The following VAMP7 variants were observed in gnomAD, a reference collection of about 807,000 sequenced individuals.
The protein encoded by VAMP7 is vesicle associated membrane protein 7.
In VAMP7, 14 loss-of-function variants were observed where a neutral mutation model predicts 29.6. The observed-to-expected ratio is 0.47, with a 90% CI of 0.31 to 0.74. VAMP7 has a LOEUF of 0.74. Among genes scored for constraint, VAMP7 ranks in the 30% least tolerant of loss-of-function variants. The pLI is 0.05. For synonymous variants in VAMP7, 95 were observed against 88.1 expected (o/e 1.08, Z -0.44); for missense variants, 223 against 262.4 (o/e 0.85, Z 1.04).
chrX:155,887,197 T>G (rs2065875412), intron 1 of VAMP7, among the ~76,000 whole-genome samples: 1 of 152,190 alleles, frequency 6.6e-6, no homozygotes, highest in Admixed American at 6.5e-5. Context: ...TTCCCTCAAC[T>G]GTTGGTTGTG....
intron 2 of VAMP7, among the ~76,000 whole-genome samples, chrX:155,890,640 C>T (rs182997876): frequency 1.8e-4 from 27 of 152,242 alleles, no homozygotes; most frequent in Admixed American, 1.4e-3. Flanking sequence ...GGATTACAGG[C>T]GTGAGCCACT....
At chrX:155,895,778 C>G (rs2065979627) in intron 3 of VAMP7, 98 bp downstream of exon 3, 1 of 961,118 alleles carries the variant, frequency 1.0e-6, no homozygotes. Context: ...CCCCAGGCTG[C>G]AGACCGGTAC....
intron 6 of VAMP7, among the ~76,000 whole-genome samples, chrX:155,935,391 T>G (rs1423822821): frequency 6.6e-6 from 1 of 152,056 alleles, no homozygotes; most frequent in Non-Finnish European, 1.5e-5. Flanking sequence ...TGGAGGCTTT[T>G]TTCGTTTCTT....
Position 155,898,117 on chromosome X carries a change from T to G in VAMP7, c.210T>G (p.Phe70Leu), listed in dbSNP as rs2124266502. Residue 70 changes from phenylalanine to leucine, a missense_variant, in exon 4 of 8, where the codon TTT (phenylalanine) becomes TTG (leucine). Physicochemically the swap from Phe to Leu is conservative, Grantham distance 22. Coordinates refer to ENST00000286448, the MANE Select transcript of VAMP7 (RefSeq NM_005638.6). Reference protein sequence around the residue: ...IVYLCITDDDFERSRAFNFLN... With the variant: ...IVYLCITDDDLERSRAFNFLN... ...CTGTGTTGATCTCTTTTCAGGATTT[T>G]GAACGTTCCCGAGCCTTTAATTTTC... The G allele has an allele frequency of 6.2e-7, 1 of 1,611,824 alleles. No individual in the cohort carries two copies. The highest frequency in any genetic ancestry group is 8.5e-7 in the Non-Finnish European group (1 of 1,178,958).
Position 155,939,784 on chromosome X carries a change from C to T in VAMP7, c.585C>T (p.Ile195=), listed in dbSNP as rs138653672. The T allele has an allele frequency of 1.9e-5, 30 of 1,612,882 alleles. No individual in the cohort carries two copies. In the East Asian group the frequency reaches 2.0e-4, roughly 11 times the overall value. The change falls in exon 7 of 8, where the codon ATC becomes ATT. Residue 195 remains isoleucine (I), a synonymous_variant. Coordinates refer to ENST00000286448, the MANE Select transcript of VAMP7 (RefSeq NM_005638.6). ...KNLKLTIIII[I]VSIVFIYIIV... is the part of the protein sequence containing the mutation. ...TCAAGCTCACTATTATCATCATCATCGTATCAATTGTAAGTTTTTGTCCTT... is the reference window on the plus strand; with the variant it reads ...TCAAGCTCACTATTATCATCATCATTGTATCAATTGTAAGTTTTTGTCCTT...
At chrX:155,916,063 G>C (rs1415592812) in intron 5 of VAMP7, among the ~76,000 whole-genome samples, 1 of 152,120 alleles carries the variant, frequency 6.6e-6, no homozygotes, top group African/African-American at 2.4e-5. Context: ...TATATATTTA[G>C]GATAGTTAGC....
chrX:155,927,545 G>A (rs28637207), intron 6 of VAMP7, among the ~76,000 whole-genome samples: 147,692 of 147,692 alleles, frequency 1, 73,846 homozygotes, highest in Non-Finnish European at 1. Context: ...CAATAAAAGG[G>A]GATATGCCTG....
chrX:155,901,571 G>A (rs2066062859), intron 5 of VAMP7, among the ~76,000 whole-genome samples: 1 of 152,102 alleles, frequency 6.6e-6, no homozygotes, highest in African/African-American at 2.4e-5. Context: ...AAGGGATCCA[G>A]TTTCAGCTTT....
intron 5 of VAMP7, among the ~76,000 whole-genome samples, chrX:155,915,251 C>G (rs1351747034): frequency 6.6e-6 from 1 of 152,042 alleles, no homozygotes; most frequent in African/African-American, 2.4e-5. Flanking sequence ...ATTCTTCTCT[C>G]TTTTCTCCTT....
At chrX:155,913,272 G>C (rs2066263956) in intron 5 of VAMP7, among the ~76,000 whole-genome samples, 1 of 151,858 alleles carries the variant, frequency 6.6e-6, no homozygotes, top group Admixed American at 6.6e-5. Context: ...CCGGATATTA[G>C]CCCTTTGTCA....
At chrX:155,894,311 T>TTTTG (rs1569434393) in intron 2 of VAMP7, among the ~76,000 whole-genome samples, 1 of 150,652 alleles carries the variant, frequency 6.6e-6, no homozygotes, top group African/African-American at 2.5e-5. Context: ...GTTTTTTTTT[T>TTTTG]TTTTTTTTTT....
chrX:155,919,592 T>G (rs916025302), intron 5 of VAMP7, among the ~76,000 whole-genome samples: 4 of 152,160 alleles, frequency 2.6e-5, no homozygotes, highest in African/African-American at 9.7e-5. Context: ...TCTTAGTGGC[T>G]TAGGGTGTAG....
intron 6 of VAMP7, among the ~76,000 whole-genome samples, chrX:155,932,160 C>A (rs1392645351): frequency 2.0e-5 from 3 of 152,130 alleles, no homozygotes; most frequent in Non-Finnish European, 2.9e-5. Context: ...CAGTTTTGTT[C>A]TTTTGGCTTA....
chrX:155,928,102 T>A (rs2066497525), intron 6 of VAMP7, among the ~76,000 whole-genome samples: 2 of 151,952 alleles, frequency 1.3e-5, no homozygotes, highest in Admixed American at 6.6e-5. Context: ...TTTTAAATTT[T>A]TCTTAGAGAC....
chrX:155,939,279 AT>A (rs1166600527), intron 6 of VAMP7, among the ~76,000 whole-genome samples: 3 of 151,336 alleles, frequency 2.0e-5, no homozygotes, highest in African/African-American at 7.4e-5. Context: ...AAGTAAATAC[AT>A]ATCTTCCTAC....
intron 3 of VAMP7, among the ~76,000 whole-genome samples, chrX:155,897,420 A>G (rs966942631): frequency 6.6e-6 from 1 of 152,122 alleles, no homozygotes; most frequent in African/African-American, 2.4e-5. Context: ...GAAAAAATCT[A>G]GCTATATGTG....
chrX:155,885,684 T>C (rs1465471310), intron 1 of VAMP7, among the ~76,000 whole-genome samples: 1 of 152,110 alleles, frequency 6.6e-6, no homozygotes, highest in African/African-American at 2.4e-5. Flanking sequence ...GAGAATGCAG[T>C]GTGAAGACAC....
intron 3 of VAMP7, among the ~76,000 whole-genome samples, chrX:155,895,989 G>A (rs1293982066): frequency 6.6e-6 from 1 of 152,154 alleles, no homozygotes; most frequent in Non-Finnish European, 1.5e-5. Context: ...ATCTGAGGTG[G>A]AACAGTTTAA....
Position 155,884,072 on chromosome X carries a change from T to G in VAMP7, c.-10+2624T>G. Among the ~76,000 whole-genome samples the G allele has an allele frequency of 1.3e-5, 2 of 152,120 alleles. 1 individual carries two copies. Among genetic ancestry groups the G allele is most frequent in the Middle Eastern group, 6.8e-3 (2 of 294 alleles). On this transcript the variant is annotated intron_variant, in intron 1 of 7. Transcript: ENST00000286448. ...GAGGTAATTTAAGTGGTAATGTTATTCTGCCACATTGTCATTTTCAGGATG... is the reference window on the plus strand; with the variant it reads ...GAGGTAATTTAAGTGGTAATGTTATGCTGCCACATTGTCATTTTCAGGATG...
Sources: gnomAD v4.1 joint callset for allele counts (sites outside exome capture counted in the v4.1 genomes callset) on GRCh38, gnomAD v4.1.1 for gene constraint, MANE v1.5 for transcripts, NCBI Gene and HGNC (gene_info 2026-07-23, HGNC 2026-07-21) for gene names.